The following WDR20 variants were observed in gnomAD, a reference collection of about 807,000 sequenced individuals.
WDR20 encodes the protein WD repeat domain 20, also known as WD repeat-containing protein 20.
A neutral mutation model predicts 38.7 loss-of-function variants in WDR20; 3 were observed. The observed-to-expected ratio is 0.08, with a 90% confidence interval of 0.04 to 0.20. The LOEUF (loss-of-function observed/expected upper bound fraction) is 0.20. Among genes scored for constraint, WDR20 ranks in the 10% least tolerant of loss-of-function variants. WDR20 has a pLI of 1.00. For synonymous variants in WDR20, 298 were observed against 285.6 expected, an observed-to-expected ratio of 1.04 and a Z score of -0.44; for missense variants, 559 against 727.7, an observed-to-expected ratio of 0.77 and a Z score of 2.67.
At chr14:102,151,627 G>A (rs903543591) in intron 1 of WDR20, among the ~76,000 whole-genome samples, 1 of 151,872 alleles carries the variant, frequency 6.6e-6, no homozygotes, top group East Asian at 1.9e-4. Flanking sequence ...GGGTTCAAAC[G>A]ATCTTCCTTC....
At chr14:102,139,516 C>T, upstream of WDR20, 1 of 1,170,800 alleles carries the variant, frequency 8.5e-7, no homozygotes, top group Non-Finnish European at 1.2e-6. Context: ...GGGCGGGAGA[C>T]CGCTGAGGAG....
rs147755568 is a variant in WDR20, at chr14:102,151,984, C to T, written c.249+11812C>T. ...TTGCCCAGGCTGGAGTGCACTGGCA[C>T]GATCTCAACTCACTGCAACCTCCGC... On this transcript the variant is annotated intron_variant, in intron 1 of 2. Coordinates refer to ENST00000342702, the MANE Select transcript of WDR20 (RefSeq NM_144574.4). Among the ~76,000 whole-genome samples the T allele has an allele frequency of 2.6e-5, 4 of 152,044 alleles. No individual in the cohort carries two copies. The East Asian group carries it at 5.8e-4, about 22-fold the overall frequency.
chr14:102,203,748 G>A (rs1470752412), intron 2 of WDR20, among the ~76,000 whole-genome samples: 2 of 151,976 alleles, frequency 1.3e-5, no homozygotes, highest in Non-Finnish European at 2.9e-5. Flanking sequence ...TCCAGATCAA[G>A]GCCCCATTGA....
chr14:102,212,614 G>A, downstream of WDR20: 1 of 1,535,614 alleles, frequency 6.5e-7, no homozygotes, highest in South Asian at 1.2e-5. Flanking sequence ...GAGGGCACTG[G>A]AGAGAGGGGC....
At position 102,208,771 on chromosome 14, in the gene WDR20, G is replaced by C; in HGVS notation, c.601G>C (p.Val201Leu). ...QLLKQGESFA[V>L]HTCKSKSTRN... ...TCTGAAGCAGGGAGAGAGCTTTGCCGTGCACACTTGCAAGAGCAAATCCAC... is the reference window on the plus strand; with the variant it reads ...TCTGAAGCAGGGAGAGAGCTTTGCCCTGCACACTTGCAAGAGCAAATCCAC... Residue 201 changes from valine to leucine, a missense_variant, in exon 3 of 3, where the codon GTG becomes CTG. By Grantham distance (32) the Val-to-Leu change is conservative. Coordinates refer to ENST00000342702, the MANE Select transcript of WDR20 (RefSeq NM_144574.4). This position sits in a 1 kb window ranked among gnomAD's most constrained non-coding sequence, Gnocchi z 5.6. The C allele has an allele frequency of 6.2e-7, 1 of 1,614,216 alleles. No individual in the cohort carries two copies. Among genetic ancestry groups the C allele is most frequent in the South Asian group, 1.1e-5 (1 of 91,078 alleles).
At chr14:102,148,962 C>A (rs1406872554) in intron 1 of WDR20, among the ~76,000 whole-genome samples, 1 of 152,118 alleles carries the variant, frequency 6.6e-6, no homozygotes, top group East Asian at 1.9e-4. Flanking sequence ...GAGTTTGAGA[C>A]CGTCCTGGCT....
At chr14:102,143,294 C>A (rs2052165943) in intron 1 of WDR20, among the ~76,000 whole-genome samples, 2 of 152,132 alleles carry the variant, frequency 1.3e-5, no homozygotes, top group Admixed American at 1.3e-4. Context: ...TTATTAAATT[C>A]TTGAGGTAGA....
chr14:102,200,184 A>G (rs1440528981), intron 2 of WDR20, among the ~76,000 whole-genome samples: 1 of 152,258 alleles, frequency 6.6e-6, no homozygotes, highest in African/African-American at 2.4e-5. Flanking sequence ...AGCCCCTCTC[A>G]GGAAATCATC....
chr14:102,170,786 C>G (rs544921948), intron 1 of WDR20, among the ~76,000 whole-genome samples: 2,099 of 152,098 alleles, frequency 0.014, 56 homozygotes, highest in African/African-American at 0.048. Context: ...CACCACCATG[C>G]CCAGCTTTTT....
chr14:102,140,973 C>T (rs1451267249), intron 1 of WDR20, among the ~76,000 whole-genome samples: 1 of 152,158 alleles, frequency 6.6e-6, no homozygotes, highest in Non-Finnish European at 1.5e-5. Context: ...GAGTGATATG[C>T]TTTAAAAGCT....
At chr14:102,200,457 AT>A (rs746438768) in intron 2 of WDR20, among the ~76,000 whole-genome samples, 2,185 of 110,960 alleles carry the variant, frequency 0.02, 38 homozygotes, top group South Asian at 0.07. Flanking sequence ...TACTTTTTAA[AT>A]TTTTTTTTTT....
At chr14:102,190,761 G>A (rs1285217926) in intron 1 of WDR20, among the ~76,000 whole-genome samples, 1 of 152,098 alleles carries the variant, frequency 6.6e-6, no homozygotes, top group African/African-American at 2.4e-5. Flanking sequence ...AGCACTTTGG[G>A]AGGCTGAGGC....
In WDR20 at chr14:102,208,929, G is replaced by A; in HGVS notation, c.759G>A (p.Glu253=). 2 of 1,614,232 alleles carry A rather than the reference G, an allele frequency of 1.2e-6. No homozygotes were observed. The highest frequency in any genetic ancestry group is 1.3e-5 in the African/African-American group (1 of 75,056). The change falls in exon 3 of 3, where the codon GAG becomes GAA. Residue 253 remains glutamate (E), a synonymous_variant. Coordinates refer to ENST00000342702, the MANE Select transcript of WDR20 (RefSeq NM_144574.4). The surrounding 1 kb of genome is among the most constrained non-coding windows in gnomAD (Gnocchi z 5.6). ...FLRVFNFDSV[E]LHGTMKSYFG... ...GGGTGTTCAACTTTGACTCAGTGGA[G>A]CTGCACGGTACGATGAAAAGCTACT...
chr14:102,142,244 GTTTCTACTCTCT>G (rs1407430869), intron 1 of WDR20, among the ~76,000 whole-genome samples: 1 of 152,048 alleles, frequency 6.6e-6, no homozygotes, highest in Admixed American at 6.6e-5. Flanking sequence ...TGTTGCAGAT[GTTTCTACTCTCT>G]TTTAATTGTA....
intron 1 of WDR20, among the ~76,000 whole-genome samples, chr14:102,159,642 T>A (rs886574676): frequency 2.0e-5 from 3 of 152,138 alleles, no homozygotes; most frequent in South Asian, 2.1e-4. Context: ...CAGACCAGCC[T>A]GGGCAAAACA....
chr14:102,204,389 T>C (rs1046350942), intron 2 of WDR20, among the ~76,000 whole-genome samples: 5 of 152,186 alleles, frequency 3.3e-5, no homozygotes, highest in African/African-American at 9.7e-5. Context: ...TAGAGTCCCC[T>C]TCTCCCCAGC....
At position 102,195,097 on chromosome 14, in the gene WDR20, A is replaced by G; in HGVS notation, c.409A>G (p.Thr137Ala). The G allele has an allele frequency of 6.2e-7, 1 of 1,614,110 alleles. No homozygotes were observed. Among genetic ancestry groups the G allele is most frequent in the Non-Finnish European group, 8.5e-7 (1 of 1,180,018 alleles). ...VQLIDPIKKE[T>A]SKLFNEERLI... ...GCTTATAGACCCAATCAAAAAAGAAACTAGCAAACTTTTTAATGAGGAAGT... is the reference window on the plus strand; with the variant it reads ...GCTTATAGACCCAATCAAAAAAGAAGCTAGCAAACTTTTTAATGAGGAAGT... The change falls in exon 2 of 3, where the codon ACT becomes GCT. Residue 137 changes from threonine (T) to alanine (A), a missense_variant. Coordinates refer to ENST00000342702, the MANE Select transcript of WDR20 (RefSeq NM_144574.4).
downstream of WDR20, among the ~76,000 whole-genome samples, chr14:102,217,928 T>G (rs140740823): frequency 9.1e-4 from 139 of 152,334 alleles, no homozygotes; most frequent in African/African-American, 3.1e-3. Flanking sequence ...CAGGAGCACC[T>G]GCCACAGAGG....
At position 102,209,656 on chromosome 14, in the gene WDR20, A is replaced by T. The variant is rs1177320018; in HGVS notation, c.1486A>T (p.Asn496Tyr). ...HISSKSSDKL[N>Y]LVTKTKTDPA... ...TTCTAGCAAGAGCAGTGACAAACTG[A>T]ATCTAGTTACCAAAACCAAAACGGA... Residue 496 changes from asparagine to tyrosine, a missense_variant, in exon 3 of 3, where the codon AAT (asparagine) becomes TAT (tyrosine). Transcript: ENST00000342702. The surrounding 1 kb of genome is among the most constrained non-coding windows in gnomAD (Gnocchi z 6.0). 1.2e-6 allele frequency: 2 copies of T among 1,614,064 alleles called. No individual in the cohort carries two copies. The highest frequency in any genetic ancestry group is 1.7e-5 in the Admixed American group (1 of 60,000).
Sources: gnomAD v4.1 joint callset for allele counts (sites outside exome capture counted in the v4.1 genomes callset) on GRCh38, gnomAD v4.1.1 for gene constraint, Gnocchi (gnomAD v3.1) non-coding constraint, MANE v1.5 for transcripts, NCBI Gene and HGNC (gene_info 2026-07-23, HGNC 2026-07-21) for gene names.